LAMB1: variants seen among roughly 807,000 people sequenced by gnomAD.
LAMB1 encodes laminin subunit beta 1, also known as laminin subunit beta-1.
In LAMB1, 121 loss-of-function variants were observed where a neutral mutation model predicts 222.3. The observed-to-expected ratio is 0.54, with a 90% CI of 0.47 to 0.63. The LOEUF (loss-of-function observed/expected upper bound fraction) is 0.63, where lower values mean the gene tolerates loss of function less well. Among genes scored for constraint, LAMB1 ranks in the 30% least tolerant of loss-of-function variants. The pLI is 0.00. For synonymous variants in LAMB1, 794 were observed against 807.2 expected, an observed-to-expected ratio of 0.98 and a Z score of 0.28; for missense variants, 2,172 against 2,240.8, an observed-to-expected ratio of 0.97 and a Z score of 0.62.
chr7:107,999,337 AAGG>A (rs1584545814), intron 3 of LAMB1, among the ~76,000 whole-genome samples: 1 of 152,222 alleles, frequency 6.6e-6, no homozygotes, highest in East Asian at 1.9e-4. Context: ...CTCTTTCCAC[AAGG>A]AGCTTTGCTC....
chr7:107,981,996 A>G (rs2033982598), intron 7 of LAMB1, among the ~76,000 whole-genome samples: 1 of 152,252 alleles, frequency 6.6e-6, no homozygotes, highest in Admixed American at 6.5e-5. Flanking sequence ...AATATTATAT[A>G]GTGACATAAG....
chr7:107,992,641 A>T (rs2034206607), intron 5 of LAMB1, among the ~76,000 whole-genome samples: 1 of 152,204 alleles, frequency 6.6e-6, no homozygotes, highest in African/African-American at 2.4e-5. Context: ...CACGCCTGTA[A>T]TCCCAGCACT....
chr7:108,002,263 A>G, intron 2 of LAMB1: 4 of 1,310,554 alleles, frequency 3.1e-6, no homozygotes, highest in Non-Finnish European at 4.0e-6. Context: ...GCTGGGGACG[A>G]GGCGCCGGGG....
Position 107,929,549 on chromosome 7 carries a change from G to T in LAMB1, c.4608C>A (p.Thr1536=). The T allele has an allele frequency of 6.2e-7, 1 of 1,614,002 alleles. No homozygotes were observed. Among genetic ancestry groups the T allele is most frequent in the East Asian group, 2.2e-5 (1 of 44,878 alleles). The change falls in exon 30 of 34, where the codon ACC becomes ACA. Residue 1536 remains threonine (T), a synonymous_variant. Transcript: ENST00000222399. The stretch of plus-strand genomic sequence containing the variant: ...CTGTCAAGTTCTGTAACTGCTGTGG[G>T]GTGCTAGGCATCTCCATTTTCAATA... The part of the protein sequence containing the change: ...NEVLKMEMPS[T]PQQLQNLTED...
At chr7:107,933,606 A>G (rs1481729585) in intron 27 of LAMB1, among the ~76,000 whole-genome samples, 1 of 152,154 alleles carries the variant, frequency 6.6e-6, no homozygotes, top group Non-Finnish European at 1.5e-5. Context: ...AGACATGGAA[A>G]AAAAAAAACA....
intron 32 of LAMB1, among the ~76,000 whole-genome samples, chr7:107,925,696 C>T (rs888398179): frequency 4.6e-5 from 7 of 152,120 alleles, no homozygotes; most frequent in African/African-American, 9.6e-5. Flanking sequence ...ATAGTGCCTT[C>T]GAATGAGAGG....
intron 5 of LAMB1, among the ~76,000 whole-genome samples, chr7:107,989,867 C>T (rs546119855): frequency 2.6e-5 from 4 of 152,264 alleles, no homozygotes; most frequent in South Asian, 2.1e-4. Context: ...TCCAATTTCC[C>T]GTGGAGTTAA....
At chr7:107,966,821 A>G (rs2033646387) in intron 13 of LAMB1, among the ~76,000 whole-genome samples, 1 of 152,214 alleles carries the variant, frequency 6.6e-6, no homozygotes, top group Non-Finnish European at 1.5e-5. Flanking sequence ...TATCTGCAGC[A>G]CAATTCTAAA....
At chr7:107,985,281 T>A (rs1188139839) in intron 7 of LAMB1, among the ~76,000 whole-genome samples, 1 of 152,196 alleles carries the variant, frequency 6.6e-6, no homozygotes, top group Admixed American at 6.5e-5. Flanking sequence ...TAGCACTGAA[T>A]ATTTAGATTC....
intron 4 of LAMB1, among the ~76,000 whole-genome samples, chr7:107,997,428 T>TAAAC (rs139032514): frequency 1.6e-4 from 25 of 152,068 alleles, no homozygotes; most frequent in Non-Finnish European, 2.4e-4. Context: ...GCCTCAAAAA[T>TAAAC]AAACAAACAA....
At chr7:107,930,568 G>A (rs2032682220) in intron 29 of LAMB1, among the ~76,000 whole-genome samples, 1 of 152,184 alleles carries the variant, frequency 6.6e-6, no homozygotes, top group South Asian at 2.1e-4. Context: ...ATTTTCCAGT[G>A]ACATTTATGC....
At position 107,935,567 on chromosome 7, in the gene LAMB1, C is replaced by G. The variant is rs140219447; in HGVS notation, c.4036G>C (p.Val1346Leu). ...TCTCTCATGAGGGCTGACTGCTCCA[C>G]AGTGCTGTTGGGTTCTGTGGTGGAG... The part of the protein sequence containing the change: ...NASTTEPNST[V>L]EQSALMRDRV... Residue 1346 changes from valine to leucine, a missense_variant, in exon 27 of 34, where the codon GTG becomes CTG. Val to Leu is a conservative substitution (Grantham distance 32). Coordinates refer to ENST00000222399, the MANE Select transcript of LAMB1 (RefSeq NM_002291.3). 238 of 1,613,986 alleles carry G rather than the reference C, an allele frequency of 1.5e-4. 3 individuals carry two copies. In the African/African-American group the frequency reaches 2.9e-3, roughly 20 times the overall value.
At chr7:107,952,254 C>T (rs750413762) in intron 22 of LAMB1, 31 bp from the exon 23 acceptor site, 1 of 1,524,948 alleles carries the variant, frequency 6.6e-7, no homozygotes. Flanking sequence ...TACTTATTGT[C>T]ACACTCCCAA....
chr7:107,935,662 G>A lies in LAMB1; in HGVS notation c.3947-6C>T. ...GGTAATGCTATCCAAGGCACCTAGGGTAGGAAATGAAATTGCCCACAGTTA... is the reference window on the plus strand; with the variant it reads ...GGTAATGCTATCCAAGGCACCTAGGATAGGAAATGAAATTGCCCACAGTTA... On this transcript the variant is annotated splice_region_variant and splice_polypyrimidine_tract_variant and intron_variant, in intron 26 of 33. Transcript: ENST00000222399. The A allele has an allele frequency of 1.2e-6, 2 of 1,613,110 alleles. No homozygotes were observed. The highest frequency in any genetic ancestry group is 2.2e-5 in the East Asian group (1 of 44,854).
chr7:107,926,177 A>G lies in LAMB1; in HGVS notation c.5064+6T>C. 6.2e-7 allele frequency: 1 copy of G among 1,610,112 alleles called. No individual in the cohort carries two copies. Among genetic ancestry groups the G allele is most frequent in the Non-Finnish European group, 8.5e-7 (1 of 1,176,584 alleles). Reference sequence around the variant, plus strand: ...CATAGCTCTGAAATTACAAAGATTTACGTACCTTCTTAACATCTTCTGCAC... The same window carrying G: ...CATAGCTCTGAAATTACAAAGATTTGCGTACCTTCTTAACATCTTCTGCAC... On this transcript the variant is annotated splice_donor_region_variant and intron_variant, in intron 32 of 33. Coordinates refer to ENST00000222399, the MANE Select transcript of LAMB1 (RefSeq NM_002291.3).
At chr7:107,933,658 G>C (rs1016559260) in intron 27 of LAMB1, among the ~76,000 whole-genome samples, 12 of 151,168 alleles carry the variant, frequency 7.9e-5, no homozygotes, top group African/African-American at 2.9e-4. Flanking sequence ...TACAGAACTA[G>C]AAGTACCTGA....
rs150663209 is a variant in LAMB1, at chr7:107,940,367, G to A, written c.3392-9C>T. 17 of 1,606,214 alleles carry A rather than the reference G, an allele frequency of 1.1e-5. No individual in the cohort carries two copies. The African/African-American group carries it at 2.3e-4, about 21-fold the overall frequency. ...GGGGTCACAGTCACAGGCTAGAAGG[G>A]AATAAGCAATGCTAGCTGATCTACT... On this transcript the variant is annotated splice_polypyrimidine_tract_variant and intron_variant, in intron 24 of 33. Transcript: ENST00000222399.
At chr7:107,964,772 C>T (rs2033594080) in intron 13 of LAMB1, 85 bp from the exon 14 acceptor site, 4 of 1,478,478 alleles carry the variant, frequency 2.7e-6, no homozygotes, top group Admixed American at 3.7e-5. Flanking sequence ...TGCCATTACT[C>T]AGTACACAGG....
intron 27 of LAMB1, among the ~76,000 whole-genome samples, chr7:107,934,903 A>T (rs1326837054): frequency 0.021 from 344 of 16,102 alleles, 1 homozygote; most frequent in African/African-American, 0.16. Flanking sequence ...CCATCTCTTT[A>T]AAAAAAAAAA....
Sources: gnomAD v4.1 joint callset for allele counts (sites outside exome capture counted in the v4.1 genomes callset) on GRCh38, gnomAD v4.1.1 for gene constraint, MANE v1.5 for transcripts, NCBI Gene and HGNC (gene_info 2026-07-23, HGNC 2026-07-21) for gene names.